Variants in HSDL2 observed in about 807,000 individuals in gnomAD.
HSDL2 encodes hydroxysteroid dehydrogenase like 2, also known as hydroxysteroid dehydrogenase-like protein 2.
In HSDL2, 27 loss-of-function variants were observed where a neutral mutation model predicts 46.3. That is an observed-to-expected ratio of 0.58 (90% CI 0.43 to 0.80). The LOEUF (loss-of-function observed/expected upper bound fraction) is 0.80. Ranked by LOEUF, HSDL2 falls within the 30% of genes least tolerant of loss-of-function variation. The pLI, the probability that HSDL2 is intolerant of heterozygous loss-of-function variation, is 0.00. For synonymous variants in HSDL2, 153 were observed against 163.6 expected, an observed-to-expected ratio of 0.94 and a Z score of 0.50; for missense variants, 451 against 502.7, an observed-to-expected ratio of 0.90 and a Z score of 0.98.
chr9:112,444,754 G>A (rs575760083), intron 8 of HSDL2, among the ~76,000 whole-genome samples: 112 of 147,966 alleles, frequency 7.6e-4, no homozygotes, highest in African/African-American at 2.4e-3. Flanking sequence ...ACAAACAAAC[G>A]AAAATGCAAT....
intron 1 of HSDL2, among the ~76,000 whole-genome samples, chr9:112,399,841 A>G (rs1247716918): frequency 6.6e-6 from 1 of 152,134 alleles, no homozygotes; most frequent in African/African-American, 2.4e-5. Flanking sequence ...TTCTTTTTCA[A>G]GGTGCACTGA....
At chr9:112,455,639 A>G (rs1307037902) in intron 9 of HSDL2, among the ~76,000 whole-genome samples, 1 of 152,224 alleles carries the variant, frequency 6.6e-6, no homozygotes, top group Admixed American at 6.5e-5. Flanking sequence ...TTTAAGCAAC[A>G]CTTCAGAATT....
intron 8 of HSDL2, among the ~76,000 whole-genome samples, chr9:112,442,691 C>T (rs1832667753): frequency 6.6e-6 from 1 of 151,732 alleles, no homozygotes; most frequent in South Asian, 2.1e-4. Context: ...AATGGCTGTG[C>T]TTCTTCTGGG....
chr9:112,400,348 C>T (rs1287426636), intron 1 of HSDL2, among the ~76,000 whole-genome samples: 2 of 152,172 alleles, frequency 1.3e-5, no homozygotes, highest in African/African-American at 2.4e-5. Context: ...GTGGCTCACA[C>T]CTGTAATCCC....
At chr9:112,456,805 T>C (rs1833041040) in intron 9 of HSDL2, among the ~76,000 whole-genome samples, 1 of 152,152 alleles carries the variant, frequency 6.6e-6, no homozygotes, top group Non-Finnish European at 1.5e-5. Flanking sequence ...CTGCTGAGTG[T>C]CTGGCTTGCT....
chr9:112,449,448 T>C (rs1417160733), intron 8 of HSDL2, among the ~76,000 whole-genome samples: 1 of 152,192 alleles, frequency 6.6e-6, no homozygotes, highest in African/African-American at 2.4e-5. Flanking sequence ...TTTTGTGTTA[T>C]CTTATTTTTT....
chr9:112,394,600 G>T (rs1275572909), intron 1 of HSDL2, among the ~76,000 whole-genome samples: 2 of 152,066 alleles, frequency 1.3e-5, no homozygotes, highest in African/African-American at 4.8e-5. Context: ...TTTCCTATGG[G>T]TTTATATTGA....
In HSDL2 at chr9:112,450,261, C is replaced by CCCTG. The variant is rs146787481; in HGVS notation, c.866-3750_866-3749insTGCC. Among the ~76,000 whole-genome samples the CCCTG allele has an allele frequency of 4.6e-5, 6 of 130,212 alleles. No individual in the cohort carries two copies. In the East Asian group the frequency reaches 8.7e-4, roughly 19 times the overall value. The allele number at this position is 130,212 out of a possible 152,430, so 85.4% of individuals were successfully genotyped here. ...CCTGGGCAACATAGCGAGACCCCCCCCCCATCTCTACCAATAGAAAAAAAT... is the reference window on the plus strand; with the variant it reads ...CCTGGGCAACATAGCGAGACCCCCCCCCTGCCCATCTCTACCAATAGAAAAAAAT... On this transcript the variant is annotated intron_variant, in intron 8 of 10. Coordinates refer to ENST00000398805, the MANE Select transcript of HSDL2 (RefSeq NM_032303.5).
intron 6 of HSDL2, among the ~76,000 whole-genome samples, chr9:112,435,767 C>G (rs989745492): frequency 2.6e-5 from 4 of 151,976 alleles, no homozygotes; most frequent in African/African-American, 9.7e-5. Flanking sequence ...GGGTCTCACT[C>G]TGTCACCCAG....
At chr9:112,390,432 C>T (rs983979654) in intron 1 of HSDL2, among the ~76,000 whole-genome samples, 1 of 152,002 alleles carries the variant, frequency 6.6e-6, no homozygotes, top group Non-Finnish European at 1.5e-5. Context: ...AAAATTAATT[C>T]CAGGTAGATT....
intron 6 of HSDL2, among the ~76,000 whole-genome samples, chr9:112,420,309 G>T (rs1832089493): frequency 6.6e-6 from 1 of 152,126 alleles, no homozygotes; most frequent in South Asian, 2.1e-4. Context: ...GCAAGACCCT[G>T]TCTCAACAAC....
Position 112,408,900 on chromosome 9 carries a change from A to T in HSDL2, c.281-7A>T. On this transcript the variant is annotated splice_region_variant and splice_polypyrimidine_tract_variant and intron_variant, in intron 3 of 10. Transcript: ENST00000398805. The stretch of plus-strand genomic sequence containing the variant: ...CATTAAAATGAAATTGATTATTTTG[A>T]AAACAGGAATTGATATTCTGGTAAA... 1 of 1,409,480 alleles carries T rather than the reference A, an allele frequency of 7.1e-7. No homozygotes were observed. The highest frequency in any genetic ancestry group is 1.4e-5 in the African/African-American group (1 of 69,866). 87.3% of individuals were successfully genotyped at this position (1,409,480 alleles called of 1,614,324 possible). A position where few individuals can be genotyped will look rare whatever the true frequency, so the allele number is the denominator to read the frequency against.
At chr9:112,402,589 T>A (rs1831629761) in intron 1 of HSDL2, among the ~76,000 whole-genome samples, 1 of 148,248 alleles carries the variant, frequency 6.7e-6, no homozygotes, top group Non-Finnish European at 1.5e-5. Flanking sequence ...AAGGCCAGCC[T>A]GAGTAAGATG....
chr9:112,429,706 A>G (rs1346641340), intron 6 of HSDL2, among the ~76,000 whole-genome samples: 1 of 152,202 alleles, frequency 6.6e-6, no homozygotes, highest in Non-Finnish European at 1.5e-5. Context: ...AGTATGCTAA[A>G]GGTAATATGC....
chr9:112,426,024 A>G (rs1832236321), intron 6 of HSDL2, among the ~76,000 whole-genome samples: 1 of 152,154 alleles, frequency 6.6e-6, no homozygotes, highest in South Asian at 2.1e-4. Flanking sequence ...TACAGGCGTG[A>G]GCTACTGTGC....
chr9:112,381,600 T>C (rs1465930897), intron 1 of HSDL2, among the ~76,000 whole-genome samples: 3 of 152,236 alleles, frequency 2.0e-5, no homozygotes, highest in Non-Finnish European at 4.4e-5. Context: ...GTGATCCGTC[T>C]GCCTCGGCCT....
At chr9:112,405,776 C>G in intron 3 of HSDL2, 54 bp downstream of exon 3, 2 of 1,085,824 alleles carry the variant, frequency 1.8e-6, no homozygotes, top group Non-Finnish European at 2.7e-6. Context: ...AAAGGTATAA[C>G]TATAATGTTA....
chr9:112,415,783 G>T (rs1054539494), intron 4 of HSDL2, among the ~76,000 whole-genome samples: 4 of 152,112 alleles, frequency 2.6e-5, no homozygotes, highest in African/African-American at 9.7e-5. Context: ...GCAAACAAAA[G>T]TACCCTATGA....
intron 1 of HSDL2, among the ~76,000 whole-genome samples, chr9:112,383,376 T>A (rs920844640): frequency 5.3e-5 from 8 of 152,130 alleles, no homozygotes; most frequent in Non-Finnish European, 1.2e-4. Flanking sequence ...CCTGGGCAGA[T>A]CTTTTTATAA....
Sources: gnomAD v4.1 joint callset for allele counts (sites outside exome capture counted in the v4.1 genomes callset) on GRCh38, gnomAD v4.1.1 for gene constraint, MANE v1.5 for transcripts, NCBI Gene and HGNC (gene_info 2026-07-23, HGNC 2026-07-21) for gene names.